CSMD1: variants seen among roughly 807,000 people sequenced by gnomAD.
The protein encoded by CSMD1 is CUB and Sushi multiple domains 1, also known as CUB and sushi domain-containing protein 1.
CSMD1 carries 213 observed loss-of-function variants against 417.5 expected under a neutral mutation model. The ratio of observed to expected loss-of-function variants is 0.51; its 90% CI spans 0.46 to 0.57. The LOEUF (loss-of-function observed/expected upper bound fraction) is 0.57. Among genes scored for constraint, CSMD1 ranks in the 20% least tolerant of loss-of-function variants. The pLI, the probability that CSMD1 is intolerant of heterozygous loss-of-function variation, is 0.00. For missense variants in CSMD1, 6,923 were observed against 4,529.7 expected, an observed-to-expected ratio of 1.53 and a Z score of -15.17; for synonymous variants, 2,862 against 1,736.8, an observed-to-expected ratio of 1.65 and a Z score of -16.11.
intron 5 of CSMD1, among the ~76,000 whole-genome samples, chr8:3,906,163 C>G (rs1282315747): frequency 6.6e-6 from 1 of 152,120 alleles, no homozygotes; most frequent in African/African-American, 2.4e-5. Context: ...ATCATACTAC[C>G]TGCATTTGTG....
intron 7 of CSMD1, among the ~76,000 whole-genome samples, chr8:3,625,026 A>G (rs1253059758): frequency 6.6e-6 from 1 of 152,042 alleles, no homozygotes; most frequent in South Asian, 2.1e-4. Context: ...TAAGAGGATA[A>G]TTTTGATTTA....
In CSMD1 at chr8:2,966,654, A is replaced by G. The variant is rs1803987341; in HGVS notation, c.9016T>C (p.Trp3006Arg). The change falls in exon 58 of 70, where the codon TGG becomes CGG. Residue 3006 changes from tryptophan (W) to arginine (R), a missense_variant. Transcript: ENST00000635120. ...AGCCCTGAGGTCTTGTAGCCTTCCCAGCAGGCATAGATGACCGAGCTGGAG... is the reference window on the plus strand; with the variant it reads ...AGCCCTGAGGTCTTGTAGCCTTCCCGGCAGGCATAGATGACCGAGCTGGAG... ...LFSSSVIYAC[W>R]EGYKTSGLMT... 1 of 1,613,796 alleles carries G rather than the reference A, an allele frequency of 6.2e-7. No individual in the cohort carries two copies. The highest frequency in any genetic ancestry group is 1.7e-5 in the Admixed American group (1 of 60,006).
intron 5 of CSMD1, among the ~76,000 whole-genome samples, chr8:3,763,920 C>G (rs374256638): frequency 4.6e-5 from 7 of 152,272 alleles, no homozygotes; most frequent in African/African-American, 1.7e-4. Context: ...TTAATAACCT[C>G]TATGGGAATC....
At chr8:3,869,860 C>G (rs1350393755) in intron 5 of CSMD1, among the ~76,000 whole-genome samples, 1 of 151,792 alleles carries the variant, frequency 6.6e-6, no homozygotes, top group Non-Finnish European at 1.5e-5. Context: ...TATGAATTAT[C>G]CTTACTGATC....
chr8:4,104,078 C>G (rs540879151), intron 3 of CSMD1, among the ~76,000 whole-genome samples: 1 of 152,314 alleles, frequency 6.6e-6, no homozygotes, highest in East Asian at 1.9e-4. Flanking sequence ...GGTTCTCCCT[C>G]AAGACACACA....
At chr8:3,137,994 G>A (rs1163690328) in intron 41 of CSMD1, among the ~76,000 whole-genome samples, 1 of 152,230 alleles carries the variant, frequency 6.6e-6, no homozygotes, top group African/African-American at 2.4e-5. Context: ...GGAGGATGAG[G>A]AGGGCAAATG....
chr8:4,656,902 C>T (rs780273663), intron 1 of CSMD1, among the ~76,000 whole-genome samples: 13 of 152,088 alleles, frequency 8.5e-5, no homozygotes, highest in African/African-American at 2.4e-5. Context: ...TGTCCTAATC[C>T]ATCTGGGGGC....
chr8:3,558,386 C>CGTGTCCACTCCTGCAATGATGAATG (rs1799277865), intron 10 of CSMD1, among the ~76,000 whole-genome samples: 1 of 143,084 alleles, frequency 7.0e-6, no homozygotes. Context: ...AGTAGTACCC[C>CGTGTCCACTCCTGCAATGATGAATG]GTGTCCACTT....
chr8:4,435,153 T>C (rs1798083237), intron 2 of CSMD1, among the ~76,000 whole-genome samples: 1 of 152,178 alleles, frequency 6.6e-6, no homozygotes, highest in South Asian at 2.1e-4. Context: ...ATATATTATT[T>C]TTATAAATAT....
chr8:4,031,802 C>T (rs1797360612), intron 4 of CSMD1, 103 bp downstream of exon 4: 8 of 851,160 alleles, frequency 9.4e-6, no homozygotes. Flanking sequence ...AGAGTCAGCT[C>T]AACATGTATT....
chr8:4,473,152 G>A (rs141706685), intron 2 of CSMD1, among the ~76,000 whole-genome samples: 21 of 152,134 alleles, frequency 1.4e-4, no homozygotes, highest in African/African-American at 5.1e-4. Context: ...CTGGAATATA[G>A]ATTTTAAAAT....
intron 3 of CSMD1, among the ~76,000 whole-genome samples, chr8:4,288,553 C>G (rs937077185): frequency 2.6e-5 from 4 of 152,180 alleles, no homozygotes; most frequent in African/African-American, 9.7e-5. Context: ...ATGACTTGTC[C>G]TTCTAAGTGA....
At chr8:3,512,999 G>C (rs1585283001) in intron 10 of CSMD1, among the ~76,000 whole-genome samples, 1 of 152,110 alleles carries the variant, frequency 6.6e-6, no homozygotes, top group African/African-American at 2.4e-5. Flanking sequence ...AAAGGCATTA[G>C]CATGCTTGAA....
intron 5 of CSMD1, among the ~76,000 whole-genome samples, chr8:3,920,072 T>A (rs1178777092): frequency 6.6e-6 from 1 of 152,140 alleles, no homozygotes; most frequent in Non-Finnish European, 1.5e-5. Flanking sequence ...TCACTCCTTC[T>A]GCCCTGGCTA....
At chr8:3,467,633 A>G (rs1816857297) in intron 12 of CSMD1, among the ~76,000 whole-genome samples, 1 of 152,188 alleles carries the variant, frequency 6.6e-6, no homozygotes, top group Admixed American at 6.5e-5. Flanking sequence ...TGCTTTGTAG[A>G]TGAGGATACT....
intron 3 of CSMD1, among the ~76,000 whole-genome samples, chr8:4,052,821 T>G (rs1036833386): frequency 6.6e-6 from 1 of 152,164 alleles, no homozygotes; most frequent in African/African-American, 2.4e-5. Flanking sequence ...TGTGCAGATT[T>G]GGGGCAGGGC....
chr8:4,325,660 T>A lies in CSMD1; in HGVS notation c.415+94293A>T, dbSNP rs114018663. Among the ~76,000 whole-genome samples the A allele has an allele frequency of 6.8e-3, 1,034 of 152,118 alleles. 12 individuals carry two copies. The highest frequency in any genetic ancestry group is 0.023 in the African/African-American group (967 of 41,506). ...AACTACCCAAATTACACAACAACCA[T>A]CATGCTCATCTCTAGGGCCAGAAAG... On this transcript the variant is annotated intron_variant, in intron 3 of 69. Coordinates refer to ENST00000635120, the MANE Select transcript of CSMD1 (RefSeq NM_033225.6).
intron 50 of CSMD1, among the ~76,000 whole-genome samples, chr8:3,042,308 G>A (rs1811155472): frequency 6.6e-6 from 1 of 152,014 alleles, no homozygotes; most frequent in African/African-American, 2.4e-5. Context: ...GTACCAAACT[G>A]ACCTTTTGGC....
chr8:3,928,344 C>T (rs997868061), intron 5 of CSMD1, among the ~76,000 whole-genome samples: 1 of 151,454 alleles, frequency 6.6e-6, no homozygotes, highest in South Asian at 2.1e-4. Flanking sequence ...GAGTGGTAAA[C>T]AAATGATATA....
Sources: gnomAD v4.1 joint callset for allele counts (sites outside exome capture counted in the v4.1 genomes callset) on GRCh38, gnomAD v4.1.1 for gene constraint, MANE v1.5 for transcripts, NCBI Gene and HGNC (gene_info 2026-07-23, HGNC 2026-07-21) for gene names.